The following PCDHA2 variants were observed in gnomAD, a reference collection of about 807,000 sequenced individuals.
PCDHA2 encodes protocadherin alpha-2.
Under a neutral mutation model 66.0 loss-of-function variants are expected in PCDHA2, and 58 were observed. That is an observed-to-expected ratio of 0.88 (90% confidence interval 0.71 to 1.09). The LOEUF is 1.09. PCDHA2 is among the 50% of genes least tolerant of loss of function. PCDHA2 has a pLI of 0.00. For missense variants in PCDHA2, 1,267 were observed against 1,242.3 expected, an observed-to-expected ratio of 1.02 and a Z score of -0.30; for synonymous variants, 634 against 554.0, an observed-to-expected ratio of 1.14 and a Z score of -2.03.
intron 1 of PCDHA2, chr5:140,969,172 G>T (rs782196654): frequency 1.2e-5 from 19 of 1,614,086 alleles, no homozygotes; most frequent in Non-Finnish European, 1.5e-5. Context: ...CAGGCTCAGG[G>T]AGTGACACTT....
intron 1 of PCDHA2, chr5:140,805,383 C>G (rs1554123353): frequency 9.0e-7 from 1 of 1,109,208 alleles, no homozygotes; most frequent in Non-Finnish European, 1.1e-6. Context: ...TGAAAGTACT[C>G]TGGTTTCTGT....
At chr5:140,972,612 C>T (rs1554234244) in intron 1 of PCDHA2, among the ~76,000 whole-genome samples, 2 of 151,080 alleles carry the variant, frequency 1.3e-5, no homozygotes, top group African/African-American at 4.9e-5. Context: ...GAACTTGATA[C>T]TGAATGTTGT....
intron 1 of PCDHA2, among the ~76,000 whole-genome samples, chr5:140,914,132 T>G (rs1554196213): frequency 6.6e-6 from 1 of 152,152 alleles, no homozygotes; most frequent in Non-Finnish European, 1.5e-5. Context: ...CTTTGTTGAG[T>G]TTTTGTCTGT....
At position 140,795,876 on chromosome 5, in the gene PCDHA2, T is replaced by C. The variant is rs73791786; in HGVS notation, c.912T>C (p.Thr304=). ...TIDPISGEIR[T]KGKLDYEEAK... is the part of the protein sequence containing the mutation. ...ATCCCATCTCAGGGGAAATCAGAAC[T>C]AAGGGAAAATTAGATTATGAAGAAG... Residue 304 remains threonine, a synonymous_variant, in exon 1 of 4, where the codon ACT becomes ACC. Coordinates refer to ENST00000526136, the MANE Select transcript of PCDHA2 (RefSeq NM_018905.3). 6.2e-7 allele frequency: 1 copy of C among 1,613,904 alleles called. No individual in the cohort carries two copies. The highest frequency in any genetic ancestry group is 1.1e-5 in the South Asian group (1 of 91,074).
intron 1 of PCDHA2, chr5:140,807,043 CCTT>C (rs1260892226): frequency 1.0e-6 from 1 of 988,186 alleles, no homozygotes; most frequent in Non-Finnish European, 1.5e-6. Flanking sequence ...AGGGAAAATT[CCTT>C]CTATTCTTAC....
chr5:140,963,907 A>C (rs1303006789), intron 1 of PCDHA2, among the ~76,000 whole-genome samples: 1 of 152,240 alleles, frequency 6.6e-6, no homozygotes, highest in Non-Finnish European at 1.5e-5. Flanking sequence ...AGTAAAGTGA[A>C]GCTTAGGCTA....
intron 1 of PCDHA2, among the ~76,000 whole-genome samples, chr5:140,909,018 A>AT: frequency 6.6e-6 from 1 of 152,230 alleles, no homozygotes; most frequent in East Asian, 1.9e-4. Context: ...AGGTTCCTGA[A>AT]TTTTAGTCAT....
chr5:140,967,431 T>G, intron 1 of PCDHA2: 1 of 1,613,498 alleles, frequency 6.2e-7, no homozygotes, highest in Non-Finnish European at 8.5e-7. Flanking sequence ...CAGGCAGCCT[T>G]GCACCACCTG....
chr5:140,825,415 A>AAT (rs782208695), intron 1 of PCDHA2: 2 of 146,774 alleles, frequency 1.4e-5, no homozygotes, highest in African/African-American at 4.9e-5. Context: ...TATTTTATAT[A>AAT]ATATATATAA....
chr5:140,802,819 G>C, intron 1 of PCDHA2: 3 of 1,613,580 alleles, frequency 1.9e-6, no homozygotes, highest in Non-Finnish European at 2.5e-6. Context: ...CGCGATGCGG[G>C]CGTGCCGCCT....
intron 3 of PCDHA2, among the ~76,000 whole-genome samples, chr5:141,006,870 G>A (rs782345830): frequency 1.1e-4 from 16 of 152,174 alleles, no homozygotes; most frequent in Non-Finnish European, 1.5e-4. Flanking sequence ...GAATAGATTC[G>A]AGGAATCAAG....
intron 1 of PCDHA2, among the ~76,000 whole-genome samples, chr5:140,952,279 T>C (rs1222400527): frequency 6.7e-6 from 1 of 149,858 alleles, no homozygotes; most frequent in Non-Finnish European, 1.5e-5. Flanking sequence ...TTGAGGGTGG[T>C]GGCCCTCTTC....
At chr5:140,913,235 G>A (rs1554195817) in intron 1 of PCDHA2, among the ~76,000 whole-genome samples, 4 of 152,144 alleles carry the variant, frequency 2.6e-5, no homozygotes. Context: ...TTTGCTGGGA[G>A]ACTTTTTGTT....
At chr5:140,836,907 C>T in intron 1 of PCDHA2, 1 of 583,884 alleles carries the variant, frequency 1.7e-6, no homozygotes, top group Non-Finnish European at 2.8e-6. Context: ...GTTTAATATA[C>T]ACTTTTGTTT....
chr5:140,941,224 T>TTTCTTTCTTTCTTTCTTTCTTTCC (rs2092912857), intron 1 of PCDHA2, among the ~76,000 whole-genome samples: 1 of 137,372 alleles, frequency 7.3e-6, no homozygotes, highest in Non-Finnish European at 1.6e-5. Context: ...CCTTTCTTTC[T>TTTCTTTCTTTCTTTCTTTCTTTCC]TTCTTTCTTT....
chr5:140,860,245 T>C (rs2046291646), intron 1 of PCDHA2: 1 of 151,496 alleles, frequency 6.6e-6, no homozygotes, highest in Non-Finnish European at 1.5e-5. Flanking sequence ...TGGTGGTACA[T>C]GCCTTTAGTC....
intron 1 of PCDHA2, chr5:140,850,390 G>A: frequency 6.3e-7 from 1 of 1,597,946 alleles, no homozygotes; most frequent in Non-Finnish European, 8.6e-7. Context: ...GGCGAGATCA[G>A]CACAACGCGT....
intron 1 of PCDHA2, among the ~76,000 whole-genome samples, chr5:140,919,033 G>T (rs149900813): frequency 6.6e-6 from 1 of 152,282 alleles, no homozygotes; most frequent in African/African-American, 2.4e-5. Flanking sequence ...CTGCCTAGTT[G>T]TTGTCCATTA....
At chr5:140,857,758 C>T (rs1562528719) in intron 1 of PCDHA2, 2 of 1,597,374 alleles carry the variant, frequency 1.3e-6, no homozygotes, top group Admixed American at 1.7e-5. Flanking sequence ...CTCCCGCTGG[C>T]AGCGCGGGCG....
Sources: gnomAD v4.1 joint callset for allele counts (sites outside exome capture counted in the v4.1 genomes callset) on GRCh38, gnomAD v4.1.1 for gene constraint, MANE v1.5 for transcripts, NCBI Gene and HGNC (gene_info 2026-07-23, HGNC 2026-07-21) for gene names.